BCLAF3: variants seen among roughly 807,000 people sequenced by gnomAD.
BCLAF3 encodes the protein BCLAF1 and THRAP3 family member 3.
In BCLAF3, 24 loss-of-function variants were observed where a neutral mutation model predicts 51.2. That is an observed-to-expected ratio of 0.47 (90% CI 0.34 to 0.66). The LOEUF is 0.66. Among genes scored for constraint, BCLAF3 ranks in the 30% least tolerant of loss-of-function variants. The pLI is 0.01. For missense variants in BCLAF3, 465 were observed against 525.1 expected (o/e 0.89, Z 1.12); for synonymous variants, 152 against 176.6 (o/e 0.86, Z 1.10).
In BCLAF3 at chrX:19,971,804, T is replaced by C. The variant is rs755699491; in HGVS notation, c.-34-1506A>G. 1.7e-4 allele frequency among the ~76,000 whole-genome samples: 19 copies of C among 112,027 alleles called. No homozygotes were observed. The South Asian group carries it at 2.6e-3, about 15-fold the overall frequency. ...AGAATAAATAAGTGTATGTCTCATA[T>C]ATTATGCACCTCGATTTTGCAAATT... On this transcript the variant is annotated intron_variant, in intron 1 of 11. Coordinates refer to ENST00000379682, the MANE Select transcript of BCLAF3 (RefSeq NM_001367774.2).
rs773747647 is a variant in BCLAF3 at position 19,953,763 on chromosome X, G to T, written c.1565+15C>A. 12 of 1,149,384 alleles carry T rather than the reference G, an allele frequency of 1.0e-5. No homozygotes were observed. The Admixed American group carries it at 2.4e-4, about 23-fold the overall frequency. 94.7% of individuals were successfully genotyped at this position (1,149,384 alleles called of 1,213,427 possible). ...CCATTAGTTAAATGGGTATAATATG[G>T]TAATCAATCATTACCTGTGTATTTC... On this transcript the variant is annotated intron_variant, in intron 6 of 11. Coordinates refer to ENST00000379682, the MANE Select transcript of BCLAF3 (RefSeq NM_001367774.2).
intron 8 of BCLAF3, among the ~76,000 whole-genome samples, chrX:19,941,184 T>C (rs1413229057): frequency 3.6e-4 from 39 of 108,968 alleles, no homozygotes; most frequent in Non-Finnish European, 6.5e-4. Flanking sequence ...CTTTGTCAGA[T>C]GAGTAGGTTG....
intron 1 of BCLAF3, among the ~76,000 whole-genome samples, chrX:19,974,707 C>A: frequency 9.1e-6 from 1 of 109,876 alleles, no homozygotes. Flanking sequence ...TGGTGAAACC[C>A]CATCTCTACT....
At chrX:19,944,922 T>C (rs2071204427) in intron 8 of BCLAF3, among the ~76,000 whole-genome samples, 1 of 97,391 alleles carries the variant, frequency 1.0e-5, no homozygotes, top group African/African-American at 4.1e-5. Context: ...CAATCAGACG[T>C]AGATTTGGTC....
chrX:19,976,465 C>T (rs1165509611), intron 1 of BCLAF3, among the ~76,000 whole-genome samples: 1 of 111,171 alleles, frequency 9.0e-6, no homozygotes, highest in African/African-American at 3.3e-5. Context: ...ATCTCGGCTC[C>T]CTGCAGCCTC....
At chrX:19,954,325 A>G (rs764219224) in intron 5 of BCLAF3, 3 of 365,684 alleles carry the variant, frequency 8.2e-6, no homozygotes, top group South Asian at 1.4e-4. Flanking sequence ...TTATGTTTGC[A>G]TATCACAGAA....
rs1424847724 is a variant in BCLAF3, at chrX:19,917,275, T to C, written c.*30A>G. On this transcript the variant is annotated 3_prime_UTR_variant, in exon 12 of 12. Coordinates refer to ENST00000379682, the MANE Select transcript of BCLAF3 (RefSeq NM_001367774.2). ...AGAGATGCTCCCAAACATCCTCCTG[T>C]AGCGTCATTTCCATTTGTACGATTT... The C allele has an allele frequency of 8.4e-7, 1 of 1,184,729 alleles. No homozygotes were observed. Among genetic ancestry groups the C allele is most frequent in the South Asian group, 1.8e-5 (1 of 55,362 alleles).
intron 2 of BCLAF3, among the ~76,000 whole-genome samples, chrX:19,968,527 A>G: frequency 8.9e-6 from 1 of 112,965 alleles, no homozygotes; most frequent in East Asian, 2.8e-4. Flanking sequence ...GCCTCACGGC[A>G]TCCATCCAGT....
At chrX:19,970,596 G>A (rs188276977) in intron 1 of BCLAF3, among the ~76,000 whole-genome samples, 1 of 111,500 alleles carries the variant, frequency 9.0e-6, no homozygotes, top group African/African-American at 3.3e-5. Context: ...CTTTAAAAAT[G>A]TAAAAATGTG....
Position 19,917,161 on chromosome X carries a change from A to T in BCLAF3, c.*144T>A. On this transcript the variant is annotated 3_prime_UTR_variant, in exon 12 of 12. Coordinates refer to ENST00000379682, the MANE Select transcript of BCLAF3 (RefSeq NM_001367774.2). ...CAATTGTTAGGTGTAAAAAAGTTGC[A>T]GCATTCCACTACTAAAAAATAAAGT... The T allele has an allele frequency of 1.9e-6, 1 of 536,861 alleles. No individual in the cohort carries two copies. The allele number at this position is 536,861 out of a possible 1,213,427, so 44.2% of individuals were successfully genotyped here. A position where few individuals can be genotyped will look rare whatever the true frequency, so the allele number is the denominator to read the frequency against.
intron 1 of BCLAF3, among the ~76,000 whole-genome samples, chrX:19,985,376 T>C (rs1336247987): frequency 2.7e-5 from 3 of 110,788 alleles, no homozygotes; most frequent in African/African-American, 9.9e-5. Context: ...GCCAGGAGTT[T>C]GGGAATAGCC....
intron 8 of BCLAF3, among the ~76,000 whole-genome samples, chrX:19,940,924 C>T (rs1234248230): frequency 1.8e-5 from 2 of 110,610 alleles, no homozygotes; most frequent in African/African-American, 3.3e-5. Flanking sequence ...ACATCCTCTC[C>T]AGCACCTGTT....
intron 10 of BCLAF3, among the ~76,000 whole-genome samples, chrX:19,933,272 G>A (rs1347608408): frequency 8.9e-6 from 1 of 112,031 alleles, no homozygotes; most frequent in East Asian, 2.8e-4. Flanking sequence ...AATAGAACAA[G>A]TACAATGTTT....
chrX:19,967,255 C>T (rs1039376733), intron 2 of BCLAF3, among the ~76,000 whole-genome samples: 1 of 111,654 alleles, frequency 9.0e-6, no homozygotes, highest in Non-Finnish European at 1.9e-5. Flanking sequence ...TGTACTTAAC[C>T]GGGGGAAAAG....
intron 1 of BCLAF3, among the ~76,000 whole-genome samples, 199 bp downstream of exon 1, chrX:19,990,709 G>A (rs2072909556): frequency 8.9e-6 from 1 of 112,957 alleles, no homozygotes; most frequent in Admixed American, 9.2e-5. Context: ...AACCCGCGCC[G>A]GGTCGCCGCG....
At chrX:19,936,224 G>A (rs1401558690) in intron 9 of BCLAF3, among the ~76,000 whole-genome samples, 2 of 111,991 alleles carry the variant, frequency 1.8e-5, no homozygotes, top group African/African-American at 6.5e-5. Flanking sequence ...GCAGCTAGGA[G>A]AGAAATAAAC....
chrX:19,978,209 G>C (rs1569510231), intron 1 of BCLAF3, among the ~76,000 whole-genome samples: 10 of 111,983 alleles, frequency 8.9e-5, no homozygotes, highest in Non-Finnish European at 1.9e-5. Context: ...AATACGTTTT[G>C]TAAGACTATA....
chrX:19,983,823 C>T (rs2072703212), intron 1 of BCLAF3, among the ~76,000 whole-genome samples: 2 of 110,745 alleles, frequency 1.8e-5, no homozygotes, highest in Non-Finnish European at 3.8e-5. Flanking sequence ...AATCCCAGCA[C>T]TTTGGGAGGC....
intron 1 of BCLAF3, among the ~76,000 whole-genome samples, chrX:19,977,998 A>C (rs2072480862): frequency 9.0e-6 from 1 of 111,045 alleles, no homozygotes; most frequent in African/African-American, 3.3e-5. Context: ...TTTTAAGCCC[A>C]ATGTTGAGAC....
Sources: allele counts gnomAD v4.1 joint callset (sites outside exome capture counted in the v4.1 genomes callset), GRCh38; gene constraint gnomAD v4.1.1; transcripts MANE v1.5; gene names NCBI Gene and HGNC (gene_info 2026-07-23, HGNC 2026-07-21).